The following KATNIP variants were observed in gnomAD, a reference collection of about 807,000 sequenced individuals.
KATNIP encodes katanin interacting protein, also known as katanin-interacting protein.
A neutral mutation model predicts 174.0 loss-of-function variants in KATNIP; 126 were observed. That is an observed-to-expected ratio of 0.72 (90% CI 0.63 to 0.84). The LOEUF is 0.84. Ranked by LOEUF, KATNIP falls within the 40% of genes least tolerant of loss-of-function variation. KATNIP has a pLI of 0.00. For synonymous variants in KATNIP, 810 were observed against 835.7 expected, an observed-to-expected ratio of 0.97 and a Z score of 0.53; for missense variants, 1,958 against 2,109.7, an observed-to-expected ratio of 0.93 and a Z score of 1.41.
At chr16:27,704,482 T>TA (rs1430199104) in intron 12 of KATNIP, among the ~76,000 whole-genome samples, 2 of 152,172 alleles carry the variant, frequency 1.3e-5, no homozygotes, top group Non-Finnish European at 2.9e-5. Context: ...GAGAAACACT[T>TA]ATGTCTTTCC....
chr16:27,769,717 A>C, intron 20 of KATNIP, 144 bp from the exon 21 acceptor site: 3 of 902,698 alleles, frequency 3.3e-6, no homozygotes, highest in South Asian at 1.5e-5. Flanking sequence ...AGCACCTGAT[A>C]TGGGAAATGG....
At chr16:27,761,730 G>A in intron 19 of KATNIP, 140 bp downstream of exon 19, 1 of 750,396 alleles carries the variant, frequency 1.3e-6, no homozygotes. Context: ...ATGTGGTCAA[G>A]GGAAACCGAG....
intron 2 of KATNIP, among the ~76,000 whole-genome samples, chr16:27,592,153 A>T (rs1322939486): frequency 2.0e-5 from 3 of 151,876 alleles, no homozygotes; most frequent in African/African-American, 7.3e-5. Context: ...CATGATGATT[A>T]ATTTGTCTAG....
chr16:27,569,008 T>A (rs2090188925), intron 1 of KATNIP, among the ~76,000 whole-genome samples: 1 of 152,176 alleles, frequency 6.6e-6, no homozygotes, highest in Admixed American at 6.5e-5. Context: ...ATATGAATAG[T>A]TTAATTAGGA....
chr16:27,719,016 C>G (rs2080088822), intron 13 of KATNIP, among the ~76,000 whole-genome samples: 1 of 152,136 alleles, frequency 6.6e-6, no homozygotes, highest in African/African-American at 2.4e-5. Context: ...GACGGGGAGT[C>G]TGTTGAGATG....
chr16:27,694,181 A>G (rs2078835434), intron 8 of KATNIP, among the ~76,000 whole-genome samples: 1 of 152,220 alleles, frequency 6.6e-6, no homozygotes. Context: ...GCAGCCCAGT[A>G]GAGCCTCCAG....
intron 14 of KATNIP, among the ~76,000 whole-genome samples, chr16:27,734,083 A>G (rs557205332): frequency 4.5e-4 from 68 of 151,822 alleles, no homozygotes; most frequent in African/African-American, 1.5e-3. Flanking sequence ...TATTATTATT[A>G]TTATTATTTT....
chr16:27,730,316 A>T (rs966853646), intron 14 of KATNIP, among the ~76,000 whole-genome samples: 2 of 152,084 alleles, frequency 1.3e-5, no homozygotes, highest in African/African-American at 4.8e-5. Flanking sequence ...GAAAATATGA[A>T]TTTTTTTGCT....
At chr16:27,587,587 C>T (rs569674847) in intron 2 of KATNIP, among the ~76,000 whole-genome samples, 18 of 152,314 alleles carry the variant, frequency 1.2e-4, no homozygotes, top group African/African-American at 4.1e-4. Flanking sequence ...TGTACTTAAC[C>T]TGCTGAACAT....
chr16:27,760,535 C>T (rs1055877393), intron 18 of KATNIP, among the ~76,000 whole-genome samples: 2 of 152,196 alleles, frequency 1.3e-5, no homozygotes, highest in Non-Finnish European at 2.9e-5. Context: ...ACTTCCTTTA[C>T]TCTGAGCCCA....
intron 20 of KATNIP, 139 bp downstream of exon 20, chr16:27,766,613 G>C (rs1330004841): frequency 1.4e-5 from 12 of 841,646 alleles, no homozygotes; most frequent in Non-Finnish European, 2.2e-5. Context: ...TGTCCAGGGA[G>C]AGAGAGAGCT....
At chr16:27,661,491 A>G (rs1402975953) in intron 6 of KATNIP, among the ~76,000 whole-genome samples, 1 of 151,940 alleles carries the variant, frequency 6.6e-6, no homozygotes, top group African/African-American at 2.4e-5. Flanking sequence ...TCCCGGGTTA[A>G]TGCGATTCTC....
In KATNIP at chr16:27,593,502, T is replaced by C. The variant is rs571411406; in HGVS notation, c.63+19546T>C. Among the ~76,000 whole-genome samples, 84 of 152,082 alleles carry C rather than the reference T, an allele frequency of 5.5e-4. 1 individual carries two copies. The highest frequency in any genetic ancestry group is 1.0e-3 in the Non-Finnish European group (69 of 68,030). On this transcript the variant is annotated intron_variant, in intron 2 of 27. Transcript: ENST00000261588. ...ATCTGCCTGCCTTGGCCTCGCAAAG[T>C]GCTGGGATTACAGGCGTGAGCCACC...
chr16:27,750,419 CTT>C (rs369243500), intron 16 of KATNIP, 113 bp downstream of exon 16: 24,637 of 642,180 alleles, frequency 0.038, no homozygotes, highest in East Asian at 0.057. Flanking sequence ...CTTTCTCTTT[CTT>C]TTTTTTTTTT....
At chr16:27,565,831 A>G (rs1021767241) in intron 1 of KATNIP, among the ~76,000 whole-genome samples, 7 of 151,946 alleles carry the variant, frequency 4.6e-5, no homozygotes, top group African/African-American at 1.7e-4. Flanking sequence ...AAGAGTGGGA[A>G]AGTGGGAGAT....
intron 5 of KATNIP, chr16:27,643,087 C>T (rs1022474858): frequency 8.5e-5 from 13 of 152,220 alleles, no homozygotes; most frequent in African/African-American, 3.1e-4. Flanking sequence ...CCTGTGGCTG[C>T]TTTTGAGCTG....
At chr16:27,630,083 T>C (rs1432584046) in intron 4 of KATNIP, among the ~76,000 whole-genome samples, 1 of 152,194 alleles carries the variant, frequency 6.6e-6, no homozygotes, top group Non-Finnish European at 1.5e-5. Flanking sequence ...CCCAAGTAGC[T>C]GTCAGAATGC....
At chr16:27,665,188 G>A (rs1313601211) in intron 6 of KATNIP, among the ~76,000 whole-genome samples, 3 of 149,134 alleles carry the variant, frequency 2.0e-5, no homozygotes, top group African/African-American at 7.4e-5. Context: ...ATGCAGCAGC[G>A]CACCTCCTGG....
intron 14 of KATNIP, among the ~76,000 whole-genome samples, chr16:27,731,642 CAG>C (rs2080690502): frequency 6.6e-6 from 1 of 150,482 alleles, no homozygotes; most frequent in Admixed American, 6.6e-5. Flanking sequence ...TTTTTTGAGA[CAG>C]AGTCTTGCTC....
Sources: allele counts gnomAD v4.1 joint callset (sites outside exome capture counted in the v4.1 genomes callset), GRCh38; gene constraint gnomAD v4.1.1; transcripts MANE v1.5; gene names NCBI Gene and HGNC (gene_info 2026-07-23, HGNC 2026-07-21).